The following SCIN variants were observed in gnomAD, a reference collection of about 807,000 sequenced individuals.
SCIN encodes the protein scinderin, also known as adseverin.
In SCIN, 91 loss-of-function variants were observed where a neutral mutation model predicts 91.8. That is an observed-to-expected ratio of 0.99 (90% CI 0.84 to 1.18). The LOEUF is 1.18. Ranked by LOEUF, SCIN falls within the 50% of genes most tolerant of loss-of-function variation. The pLI is 0.00. For missense variants in SCIN, 1,087 were observed against 863.9 expected, an observed-to-expected ratio of 1.26 and a Z score of -3.24; for synonymous variants, 367 against 312.6, an observed-to-expected ratio of 1.17 and a Z score of -1.84.
At chr7:12,642,956 G>T (rs1485589989) in intron 11 of SCIN, among the ~76,000 whole-genome samples, 1 of 152,054 alleles carries the variant, frequency 6.6e-6, no homozygotes, top group Non-Finnish European at 1.5e-5. Flanking sequence ...AACCTTCTGT[G>T]CACGGATTCT....
rs1481546057 is a variant in SCIN at position 12,578,082 on chromosome 7, A to G, written c.218A>G (p.Asp73Gly). Residue 73 changes from aspartate (D) to glycine (G), a missense_variant, in exon 2 of 16, where the codon GAT (aspartate) becomes GGT (glycine). Asp to Gly is a moderately conservative substitution (Grantham distance 94, BLOSUM62 -1). Transcript: ENST00000297029. ...GTTTTAGGAAAGGAGTGTTCCCAGG[A>G]TGAAAGCACAGCTGCTGCCATCTTC... is the stretch of plus-strand genomic sequence containing the variant. ...HFWLGKECSQ[D>G]ESTAAAIFTV... 1 of 1,546,618 alleles carries G rather than the reference A, an allele frequency of 6.5e-7. No individual in the cohort carries two copies. Among genetic ancestry groups the G allele is most frequent in the African/African-American group, 1.4e-5 (1 of 72,660 alleles).
chr7:12,578,150 A>C lies in SCIN; in HGVS notation c.286A>C (p.Asn96His), dbSNP rs377254667. 1.3e-6 allele frequency: 2 copies of C among 1,551,462 alleles called. No homozygotes were observed. The highest frequency in any genetic ancestry group is 2.7e-5 in the African/African-American group (2 of 72,980). The change falls in exon 2 of 16, where the codon AAT (asparagine) becomes CAT (histidine). Residue 96 changes from asparagine to histidine, a missense_variant. Coordinates refer to ENST00000297029, the MANE Select transcript of SCIN (RefSeq NM_001112706.3). ...CTATTTGGGTGGCAAGCCAGTGCAG[A>C]ATAGAGAACTTCAAGGATATGAGTC... ...DDYLGGKPVQ[N>H]RELQGYESND... is the part of the protein sequence containing the mutation.
Position 12,657,530 on chromosome 7 carries a change from A to G in SCIN, c.*4815A>G, listed in dbSNP as rs151170772. 2.7e-3 allele frequency: 221 copies of G among 82,650 alleles called. 3 individuals are homozygous for G. The highest frequency in any genetic ancestry group is 8.6e-3 in the African/African-American group (213 of 24,690). The allele number at this position is 82,650 out of a possible 1,614,324, so 5.1% of individuals were successfully genotyped here. A position where few individuals can be genotyped will look rare whatever the true frequency, so the allele number is the denominator to read the frequency against. On this transcript the variant is annotated 3_prime_UTR_variant, in exon 16 of 16. Transcript: ENST00000297029. ...GGACACGAATTTTTAAGTTTTATATATGTGTGTGTATATATATATATATAT... is the reference window on the plus strand; with the variant it reads ...GGACACGAATTTTTAAGTTTTATATGTGTGTGTGTATATATATATATATAT...
At position 12,652,879 on chromosome 7, in the gene SCIN, G is replaced by A. The variant is rs62448338; in HGVS notation, c.*164G>A. 130,119 of 731,332 alleles carry A rather than the reference G, an allele frequency of 0.18. 12,183 individuals carry two copies. The highest frequency in any genetic ancestry group is 0.23 in the Admixed American group (7,560 of 32,616). The allele number at this position is 731,332 out of a possible 1,614,324, so 45.3% of individuals were successfully genotyped here. On this transcript the variant is annotated 3_prime_UTR_variant, in exon 16 of 16. Coordinates refer to ENST00000297029, the MANE Select transcript of SCIN (RefSeq NM_001112706.3). ...AGCACTTTGAGAGGATGAGGTAGGC[G>A]GATCACTGGGGTCAGGATTTCGAGA...
chr7:12,576,599 C>T (rs1354954120), intron 1 of SCIN, among the ~76,000 whole-genome samples: 3 of 152,170 alleles, frequency 2.0e-5, no homozygotes, highest in Non-Finnish European at 4.4e-5. Context: ...TACCTTGTCA[C>T]TATAAAATTG....
intron 3 of SCIN, among the ~76,000 whole-genome samples, chr7:12,594,187 G>C (rs138868454): frequency 1.3e-5 from 2 of 152,130 alleles, no homozygotes; most frequent in South Asian, 2.1e-4. Context: ...TGGAGAGAGT[G>C]GGGGAGAGGG....
chr7:12,647,786 A>G (rs1462957539), intron 13 of SCIN, among the ~76,000 whole-genome samples: 1 of 152,220 alleles, frequency 6.6e-6, no homozygotes, highest in African/African-American at 2.4e-5. Context: ...TCATCAGATT[A>G]GAACAAACAT....
intron 3 of SCIN, among the ~76,000 whole-genome samples, chr7:12,584,443 G>C (rs1333576449): frequency 1.3e-5 from 2 of 152,112 alleles, no homozygotes; most frequent in East Asian, 1.9e-4. Flanking sequence ...CAGCTTTTTT[G>C]ATCAACAGTC....
At position 12,651,828 on chromosome 7, in the gene SCIN, T is replaced by C. The variant is rs201036146; in HGVS notation, c.1960-13T>C. On this transcript the variant is annotated splice_polypyrimidine_tract_variant and intron_variant, in intron 14 of 15. Coordinates refer to ENST00000297029, the MANE Select transcript of SCIN (RefSeq NM_001112706.3). This position sits in a 1 kb window ranked among gnomAD's most constrained non-coding sequence, Gnocchi z 5.9. ...CCAGAAATCATACATATTGTTATTG[T>C]TTCATTTTTCAGATATTTATTTGGA... is the stretch of plus-strand genomic sequence containing the variant. 1.3e-6 allele frequency: 2 copies of C among 1,530,508 alleles called. No homozygotes were observed. The highest frequency in any genetic ancestry group is 1.8e-6 in the Non-Finnish European group (2 of 1,115,246). The allele number at this position is 1,530,508 out of a possible 1,614,324, so 94.8% of individuals were successfully genotyped here.
In SCIN at chr7:12,571,433, G is replaced by C. The variant is rs1782269037; in HGVS notation, c.199+448G>C. 8.5e-6 allele frequency: 3 copies of C among 353,202 alleles called. No individual in the cohort carries two copies. The Admixed American group carries it at 1.2e-4, about 15-fold the overall frequency. The allele number at this position is 353,202 out of a possible 1,614,324, so 21.9% of individuals were successfully genotyped here. Reference sequence around the variant, plus strand: ...AGTCTGGGGGCATCTGCCGCCGCTAGGAAGAAGTCCTTTTCTTTTTCTTCA... The same window carrying C: ...AGTCTGGGGGCATCTGCCGCCGCTACGAAGAAGTCCTTTTCTTTTTCTTCA... On this transcript the variant is annotated intron_variant, in intron 1 of 15. Coordinates refer to ENST00000297029, the MANE Select transcript of SCIN (RefSeq NM_001112706.3).
At position 12,629,220 on chromosome 7, in the gene SCIN, G is replaced by A. The variant is rs771879066; in HGVS notation, c.1317G>A (p.Thr439=). 2.6e-5 allele frequency: 42 copies of A among 1,608,180 alleles called. 1 individual carries two copies. The highest frequency in any genetic ancestry group is 1.7e-4 in the South Asian group (15 of 89,362). The change falls in exon 9 of 16, where the codon ACG becomes ACA. Residue 439 remains threonine (T), a splice_region_variant and synonymous_variant. Transcript: ENST00000297029. ...YTYPRGQIIY[T]WQGANATRDE... is the part of the protein sequence containing the mutation. ...ATCCCAGAGGACAGATTATCTACAC[G>A]TGGTGAGTTTATACGGGTAAAGATC...
intron 10 of SCIN, among the ~76,000 whole-genome samples, chr7:12,639,684 AT>A (rs1181854948): frequency 6.6e-6 from 1 of 151,636 alleles, no homozygotes; most frequent in Non-Finnish European, 1.5e-5. Context: ...TTTATATTGT[AT>A]TTTTTAAAGT....
At chr7:12,610,464 AG>A (rs1423887741) in intron 4 of SCIN, among the ~76,000 whole-genome samples, 1 of 152,230 alleles carries the variant, frequency 6.6e-6, no homozygotes, top group Non-Finnish European at 1.5e-5. Flanking sequence ...CCTTGAGGGC[AG>A]GCACTGCCTT....
At position 12,597,370 on chromosome 7, in the gene SCIN, C is replaced by T. The variant is rs114022599; in HGVS notation, c.517-7144C>T. 2.6e-3 allele frequency among the ~76,000 whole-genome samples: 390 copies of T among 152,316 alleles called. 4 individuals are homozygous for T. The highest frequency in any genetic ancestry group is 8.8e-3 in the African/African-American group (367 of 41,576). On this transcript the variant is annotated intron_variant, in intron 3 of 15. Coordinates refer to ENST00000297029, the MANE Select transcript of SCIN (RefSeq NM_001112706.3). ...AGGAAGAGGAAGAAGTCTGGCCTCACGTTCTCCTTTAATCAGATTTTAGAT... is the reference window on the plus strand; with the variant it reads ...AGGAAGAGGAAGAAGTCTGGCCTCATGTTCTCCTTTAATCAGATTTTAGAT...
intron 6 of SCIN, among the ~76,000 whole-genome samples, chr7:12,625,467 G>T (rs1783497956): frequency 7.7e-6 from 1 of 129,034 alleles, no homozygotes; most frequent in Non-Finnish European, 1.6e-5. Flanking sequence ...GCCCAGGCTG[G>T]AGTGCAGCCC....
intron 11 of SCIN, among the ~76,000 whole-genome samples, chr7:12,641,346 T>G (rs1783854654): frequency 6.6e-6 from 1 of 152,158 alleles, no homozygotes; most frequent in African/African-American, 2.4e-5. Context: ...CCCTCTCAAG[T>G]GGAACTTGTG....
intron 6 of SCIN, among the ~76,000 whole-genome samples, chr7:12,625,495 A>AT (rs112788431): frequency 0.013 from 1,588 of 126,822 alleles, 35 homozygotes; most frequent in African/African-American, 0.045. Flanking sequence ...CGCCCAGCTA[A>AT]TTTTTTTGTA....
chr7:12,621,300 C>T (rs1309039347), intron 4 of SCIN, among the ~76,000 whole-genome samples: 1 of 152,104 alleles, frequency 6.6e-6, no homozygotes, highest in African/African-American at 2.4e-5. Flanking sequence ...ATCTCTCTAC[C>T]TCTGGAGTTA....
chr7:12,579,637 C>T lies in SCIN; in HGVS notation c.354+1419C>T, dbSNP rs190532424. Reference sequence around the variant, plus strand: ...AATTAAATAATAAAGTAACTGTAGTCGAGCATGGTGGCTCATGCCTGTAAT... The same window carrying T: ...AATTAAATAATAAAGTAACTGTAGTTGAGCATGGTGGCTCATGCCTGTAAT... On this transcript the variant is annotated intron_variant, in intron 2 of 15. Transcript: ENST00000297029. Among the ~76,000 whole-genome samples, 153 of 152,286 alleles carry T rather than the reference C, an allele frequency of 1.0e-3. 1 individual carries two copies. The highest frequency in any genetic ancestry group is 1.6e-3 in the Non-Finnish European group (109 of 68,018).
Sources: allele counts gnomAD v4.1 joint callset (sites outside exome capture counted in the v4.1 genomes callset), GRCh38; gene constraint gnomAD v4.1.1; non-coding constraint Gnocchi (gnomAD v3.1); transcripts MANE v1.5; gene names NCBI Gene and HGNC (gene_info 2026-07-23, HGNC 2026-07-21).